PPP6R2: variants seen among roughly 807,000 people sequenced by gnomAD.
The protein encoded by PPP6R2 is serine/threonine-protein phosphatase 6 regulatory subunit 2.
A neutral mutation model predicts 100.2 loss-of-function variants in PPP6R2; 62 were observed. The ratio of observed to expected loss-of-function variants is 0.62; its 90% CI spans 0.50 to 0.76. PPP6R2 has a LOEUF of 0.76. Ranked by LOEUF, PPP6R2 falls within the 30% of genes least tolerant of loss-of-function variation. The pLI is 0.00. For missense variants in PPP6R2, 1,142 were observed against 1,276.3 expected, an observed-to-expected ratio of 0.89 and a Z score of 1.60; for synonymous variants, 525 against 514.7, an observed-to-expected ratio of 1.02 and a Z score of -0.27.
intron 22 of PPP6R2, among the ~76,000 whole-genome samples, chr22:50,442,502 C>T (rs1434198934): frequency 6.6e-6 from 1 of 152,164 alleles, no homozygotes; most frequent in Non-Finnish European, 1.5e-5. Flanking sequence ...GAAAGTCATA[C>T]AGAGTTCCTG....
intron 2 of PPP6R2, among the ~76,000 whole-genome samples, chr22:50,380,180 C>A (rs538705528): frequency 6.6e-6 from 1 of 152,030 alleles, no homozygotes; most frequent in Admixed American, 6.6e-5. Context: ...CTTGTAGAGA[C>A]CCCGTGGTGA....
Position 50,437,004 on chromosome 22 carries a change from T to C in PPP6R2, c.1619T>C (p.Leu540Pro), listed in dbSNP as rs1181881479. 6.4e-7 allele frequency: 1 copy of C among 1,558,952 alleles called. No individual in the cohort carries two copies. Among genetic ancestry groups the C allele is most frequent in the African/African-American group, 1.4e-5 (1 of 73,576 alleles). The change falls in exon 15 of 24, where the codon CTT becomes CCT. Residue 540 changes from leucine (L) to proline (P), a missense_variant. Leu to Pro is a moderately conservative substitution (Grantham distance 98). Coordinates refer to ENST00000612753, the MANE Select transcript of PPP6R2 (RefSeq NM_001242898.2). ...NTVDLVSTHH[L>P]HSSSEDEDIE... ...GTGTTTTAGGTGAGCACTCACCACCTTCACTCCTCAAGTGAGGACGAGGAC... is the reference window on the plus strand; with the variant it reads ...GTGTTTTAGGTGAGCACTCACCACCCTCACTCCTCAAGTGAGGACGAGGAC...
intron 2 of PPP6R2, among the ~76,000 whole-genome samples, chr22:50,392,509 G>A (rs1322077521): frequency 6.6e-6 from 1 of 152,240 alleles, no homozygotes; most frequent in Admixed American, 6.5e-5. Context: ...CCAGTGGTGT[G>A]TATAGATCGG....
chr22:50,339,762 GTGTGTGTGGTA>G (rs2042348975), upstream of PPP6R2, among the ~76,000 whole-genome samples: 1 of 123,814 alleles, frequency 8.1e-6, no homozygotes, highest in Non-Finnish European at 1.6e-5. Flanking sequence ...GTGGTGTGTG[GTGTGTGTGGTA>G]TGTGGTGTGT....
chr22:50,377,734 C>T (rs1198223497), intron 2 of PPP6R2, among the ~76,000 whole-genome samples: 1 of 152,044 alleles, frequency 6.6e-6, no homozygotes, highest in Non-Finnish European at 1.5e-5. Context: ...TTAGGCCAGG[C>T]GCGGTGGCTG....
At chr22:50,414,513 G>T (rs752128187) in intron 4 of PPP6R2, 39 bp from the exon 5 acceptor site, 68 of 1,606,186 alleles carry the variant, frequency 4.2e-5, no homozygotes, top group Non-Finnish European at 5.2e-5. Flanking sequence ...GGGTTGTCAG[G>T]GTCGGCCCCG....
At chr22:50,406,046 T>G (rs1439840973) in intron 3 of PPP6R2, among the ~76,000 whole-genome samples, 7 of 67,810 alleles carry the variant, frequency 1.0e-4, no homozygotes, top group Non-Finnish European at 1.7e-4. Context: ...GGCAGGCGAG[T>G]GTGAAGGCCT....
At chr22:50,420,936 C>T (rs1361302847) in intron 8 of PPP6R2, among the ~76,000 whole-genome samples, 2 of 152,224 alleles carry the variant, frequency 1.3e-5, no homozygotes, top group Admixed American at 6.5e-5. Context: ...CCAAGGTGGC[C>T]GTAGCTCCCT....
chr22:50,376,416 G>A (rs1338448701), intron 2 of PPP6R2, among the ~76,000 whole-genome samples: 1 of 152,110 alleles, frequency 6.6e-6, no homozygotes, highest in Non-Finnish European at 1.5e-5. Context: ...TATAAAAAAA[G>A]TGTACTTTTT....
At chr22:50,331,810 C>T in the PPP6R2 span, among the ~76,000 whole-genome samples, 13 of 152,082 alleles carry the variant, frequency 8.5e-5, no homozygotes, top group African/African-American at 2.4e-4. Context: ...TTAGTAGAGA[C>T]GGGGTTTCAC....
chr22:50,376,988 C>G (rs1218712342), intron 2 of PPP6R2, among the ~76,000 whole-genome samples: 1 of 152,118 alleles, frequency 6.6e-6, no homozygotes, highest in Non-Finnish European at 1.5e-5. Context: ...GATCACACCA[C>G]TGCCCTCCAG....
the PPP6R2 span, among the ~76,000 whole-genome samples, chr22:50,335,081 TCGCTC>T: frequency 6.6e-6 from 1 of 151,932 alleles, no homozygotes; most frequent in Non-Finnish European, 1.5e-5. Context: ...AGACAGGGTC[TCGCTC>T]TGTCGCCCAG....
intron 18 of PPP6R2, 99 bp downstream of exon 18, chr22:50,438,397 C>G: frequency 6.5e-7 from 1 of 1,528,982 alleles, no homozygotes; most frequent in Non-Finnish European, 8.8e-7. Context: ...GCTTGCAGAG[C>G]AGCCACACCT....
At chr22:50,441,071 G>A (rs2065478460) in intron 22 of PPP6R2, 45 bp downstream of exon 22, 6 of 1,435,010 alleles carry the variant, frequency 4.2e-6, no homozygotes, top group South Asian at 2.7e-5. Flanking sequence ...TGCATAGGGC[G>A]TGGCTTCCAG....
intron 7 of PPP6R2, 90 bp from the exon 8 acceptor site, chr22:50,419,259 G>C (rs2060975846): frequency 8.6e-7 from 1 of 1,157,664 alleles, no homozygotes; most frequent in Non-Finnish European, 1.3e-6. Context: ...GGGTTTTGCT[G>C]GGGTCCTCCA....
chr22:50,401,374 T>G (rs2057999715), intron 3 of PPP6R2, among the ~76,000 whole-genome samples: 1 of 150,664 alleles, frequency 6.6e-6, no homozygotes, highest in Non-Finnish European at 1.5e-5. Context: ...GCCCGGCTAA[T>G]TTTTTATATT....
At chr22:50,370,673 GC>G (rs1421920140) in intron 1 of PPP6R2, among the ~76,000 whole-genome samples, 1 of 146,954 alleles carries the variant, frequency 6.8e-6, no homozygotes, top group Non-Finnish European at 1.5e-5. Flanking sequence ...TCACTCTGTT[GC>G]CCAGGCTGGA....
rs747634906 is a variant in PPP6R2 at position 50,437,464 on chromosome 22, GA to G, written c.1684-41del. The G allele has an allele frequency of 5.0e-6, 7 of 1,387,666 alleles. No homozygotes were observed. The East Asian group carries it at 1.6e-4, about 32-fold the overall frequency. 86.0% of individuals were successfully genotyped at this position (1,387,666 alleles called of 1,614,324 possible). On this transcript the variant is annotated intron_variant, in intron 15 of 23. Coordinates refer to ENST00000612753, the MANE Select transcript of PPP6R2 (RefSeq NM_001242898.2). ...CCTCCAGGCCTGATGCCTCCTCCAT[GA>G]CCGGTGTCTGTCCGTCCCTCCCTCC... is the stretch of plus-strand genomic sequence containing the variant.
At chr22:50,435,825 A>G (rs1378619521) in intron 13 of PPP6R2, among the ~76,000 whole-genome samples, 1 of 152,168 alleles carries the variant, frequency 6.6e-6, no homozygotes, top group Non-Finnish European at 1.5e-5. Flanking sequence ...ACAGCTCCCC[A>G]GGGCAGGGGC....
Sources: gnomAD v4.1 joint callset for allele counts (sites outside exome capture counted in the v4.1 genomes callset) on GRCh38, gnomAD v4.1.1 for gene constraint, MANE v1.5 for transcripts, NCBI Gene and HGNC (gene_info 2026-07-23, HGNC 2026-07-21) for gene names.